ZFY: variants seen among roughly 807,000 people sequenced by gnomAD.
ZFY encodes zinc finger Y-chromosomal protein.
For synonymous variants in ZFY, 47 were observed against 55.8 expected, an observed-to-expected ratio of 0.84 and a Z score of 0.71; for missense variants, 113 against 170.9, an observed-to-expected ratio of 0.66 and a Z score of 1.89.
chrY:2,954,368 G>C, intron 2 of ZFY, among the ~76,000 whole-genome samples: 1 of 32,427 alleles, frequency 3.1e-5, no homozygotes, highest in Non-Finnish European at 7.5e-5. Context: ...TGAGTTCTGC[G>C]TGTAGAATTA....
At chrY:2,937,481 T>C in intron 1 of ZFY, among the ~76,000 whole-genome samples, 7 of 19,944 alleles carry the variant, frequency 3.5e-4, no homozygotes, top group African/African-American at 1.5e-3. Flanking sequence ...AGAGTGAGAG[T>C]CTGTCTCAAA....
Position 2,980,169 on chromosome Y carries a change from C to T in ZFY, c.*176C>T. On this transcript the variant is annotated 3_prime_UTR_variant, in exon 8 of 8. Transcript: ENST00000155093. ...TCAATACGCTGTCCTGAATCCTATTCAGTTTCTTTAATAGATGAGGAAAAA... is the reference window on the plus strand; with the variant it reads ...TCAATACGCTGTCCTGAATCCTATTTAGTTTCTTTAATAGATGAGGAAAAA... 1 of 160,881 alleles carries T rather than the reference C, an allele frequency of 6.2e-6. No individual in the cohort carries two copies. Among genetic ancestry groups the T allele is most frequent in the Non-Finnish European group, 1.1e-5 (1 of 89,836 alleles). The allele number at this position is 160,881 out of a possible 400,897, so 40.1% of individuals were successfully genotyped here. A position where few individuals can be genotyped will look rare whatever the true frequency, so the allele number is the denominator to read the frequency against.
At chrY:2,941,485 C>T (rs2051240940) in intron 1 of ZFY, among the ~76,000 whole-genome samples, 1 of 31,362 alleles carries the variant, frequency 3.2e-5, no homozygotes, top group Non-Finnish European at 7.7e-5. Context: ...ACTGTTTCTC[C>T]ATATCATTAC....
At chrY:2,968,373 G>A in intron 3 of ZFY, among the ~76,000 whole-genome samples, 1 of 26,770 alleles carries the variant, frequency 3.7e-5, no homozygotes, top group Non-Finnish European at 8.7e-5. Context: ...TGCAGTGGCA[G>A]GATCTCAGCT....
intron 1 of ZFY, among the ~76,000 whole-genome samples, chrY:2,953,587 C>T (rs772538557): frequency 1.2e-4 from 4 of 33,764 alleles, no homozygotes; most frequent in East Asian, 1.5e-3. Flanking sequence ...CCAGATATGG[C>T]GGCCTGTAGT....
intron 1 of ZFY, among the ~76,000 whole-genome samples, chrY:2,946,154 T>A: frequency 3.1e-5 from 1 of 31,878 alleles, no homozygotes; most frequent in Non-Finnish European, 7.6e-5. Flanking sequence ...CTCACTATGT[T>A]GCCCAGGCTG....
chrY:2,970,274 A>G (rs1040221632), intron 3 of ZFY, among the ~76,000 whole-genome samples: 4 of 32,857 alleles, frequency 1.2e-4, no homozygotes, highest in Admixed American at 2.8e-4. Flanking sequence ...TGGAGGGTAA[A>G]GTAACTGGAT....
At chrY:2,977,695 CA>C (rs2051380043) in intron 6 of ZFY, 1 of 43,867 alleles carries the variant, frequency 2.3e-5, no homozygotes, top group African/African-American at 1.5e-4. Context: ...GCAGGATAAT[CA>C]CTTGAACCTG....
intron 2 of ZFY, 46 bp downstream of exon 2, chrY:2,954,043 T>C (rs1226074464): frequency 6.4e-6 from 2 of 311,394 alleles, no homozygotes; most frequent in Admixed American, 1.7e-4. Context: ...TGCCAGATTT[T>C]GAATTACTTA....
At position 2,979,477 on chromosome Y, in the gene ZFY, G is replaced by A; in HGVS notation, c.1890G>A (p.Gln630=). 5.0e-6 allele frequency: 2 copies of A among 398,959 alleles called. No individual in the cohort carries two copies. The highest frequency in any genetic ancestry group is 7.1e-6 in the Non-Finnish European group (2 of 283,668). ...TLVHQESKTH[Q]CLHCDHKSSN... ...TCCACCAAGAAAGCAAAACACATCA[G>A]TGTTTGCATTGCGACCACAAGAGTT... The change falls in exon 8 of 8, where the codon CAG becomes CAA. Residue 630 remains glutamine, a synonymous_variant. Coordinates refer to ENST00000155093, the MANE Select transcript of ZFY (RefSeq NM_003411.4).
chrY:2,975,083 C>T lies in ZFY; in HGVS notation c.635-12C>T, dbSNP rs1360396826. ...GCTGTTATGGTTGATGATATATTTT[C>T]TGCCTTTTCAGTGGATGATGCTGGC... On this transcript the variant is annotated splice_polypyrimidine_tract_variant and intron_variant, in intron 3 of 7. Coordinates refer to ENST00000155093, the MANE Select transcript of ZFY (RefSeq NM_003411.4). The T allele has an allele frequency of 2.5e-6, 1 of 397,085 alleles. No homozygotes were observed. Among genetic ancestry groups the T allele is most frequent in the East Asian group, 9.2e-5 (1 of 10,842 alleles).
At chrY:2,943,893 TAGAA>T (rs2051253386) in intron 1 of ZFY, among the ~76,000 whole-genome samples, 1 of 33,510 alleles carries the variant, frequency 3.0e-5, no homozygotes, top group Non-Finnish European at 7.4e-5. Context: ...ACTCTATTGT[TAGAA>T]AGATAAGGAC....
intron 1 of ZFY, among the ~76,000 whole-genome samples, chrY:2,947,756 T>TTTGCA (rs2051266531): frequency 8.9e-5 from 3 of 33,882 alleles, no homozygotes; most frequent in African/African-American, 3.4e-4. Context: ...GGGAGGAGTG[T>TTTGCA]TTGCATTTTT....
chrY:2,975,668 T>TA lies in ZFY; in HGVS notation c.928+23dup. 3 of 385,295 alleles carry TA rather than the reference T, an allele frequency of 7.8e-6. No individual in the cohort carries two copies. Among genetic ancestry groups the TA allele is most frequent in the Non-Finnish European group, 1.1e-5 (3 of 275,304 alleles). ...ATGAAGATTTAAGTATGTGGCTTTT[T>TA]AAAAAAAAATTTTTACTTTAAGTTC... On this transcript the variant is annotated intron_variant, in intron 5 of 7. Coordinates refer to ENST00000155093, the MANE Select transcript of ZFY (RefSeq NM_003411.4).
chrY:2,935,625 C>G lies in ZFY; in HGVS notation c.-173C>G, dbSNP rs2124496081. ...CTAGTGATTATCCAGTTGCCCTGAGCGGCTGCGGAGGTGCGCTCCATAAGC... is the reference window on the plus strand; with the variant it reads ...CTAGTGATTATCCAGTTGCCCTGAGGGGCTGCGGAGGTGCGCTCCATAAGC... On this transcript the variant is annotated 5_prime_UTR_variant, in exon 1 of 8. Transcript: ENST00000155093. 4 of 35,665 alleles carry G rather than the reference C, an allele frequency of 1.1e-4. No individual in the cohort carries two copies. The highest frequency in any genetic ancestry group is 9.8e-4 in the Admixed American group (4 of 4,065). The allele number at this position is 35,665 out of a possible 400,897, so 8.9% of individuals were successfully genotyped here. A position where few individuals can be genotyped will look rare whatever the true frequency, so the allele number is the denominator to read the frequency against.
chrY:2,969,635 A>T, intron 3 of ZFY, among the ~76,000 whole-genome samples: 1 of 33,224 alleles, frequency 3.0e-5, no homozygotes, highest in South Asian at 6.6e-4. Context: ...GCATCTACTC[A>T]AGATTCATAT....
At chrY:2,941,770 T>C in intron 1 of ZFY, among the ~76,000 whole-genome samples, 1 of 32,661 alleles carries the variant, frequency 3.1e-5, no homozygotes, top group East Asian at 7.8e-4. Context: ...CACGAAGTGC[T>C]GGCATTTCAG....
intron 3 of ZFY, among the ~76,000 whole-genome samples, chrY:2,974,636 A>G (rs757219556): frequency 2.9e-5 from 1 of 34,118 alleles, no homozygotes; most frequent in African/African-American, 1.1e-4. Flanking sequence ...CTAGTAGGAC[A>G]TTATTTTTCA....
chrY:2,935,909 C>A, intron 1 of ZFY, 140 bp downstream of exon 1: 1 of 34,391 alleles, frequency 2.9e-5, no homozygotes, highest in Non-Finnish European at 7.3e-5. Context: ...GCGGAGCCGC[C>A]ATCTTGAAGG....
Sources: gnomAD v4.1 joint callset for allele counts (sites outside exome capture counted in the v4.1 genomes callset) on GRCh38, gnomAD v4.1.1 for gene constraint, MANE v1.5 for transcripts, NCBI Gene and HGNC (gene_info 2026-07-23, HGNC 2026-07-21) for gene names.